The following PCID2 variants were observed in gnomAD, a reference collection of about 807,000 sequenced individuals.
PCID2 encodes PCI domain containing 2.
In PCID2, 41 loss-of-function variants were observed where a neutral mutation model predicts 61.3. The ratio of observed to expected loss-of-function variants is 0.67; its 90% CI spans 0.52 to 0.87. The LOEUF is 0.87. Ranked by LOEUF, PCID2 falls within the 40% of genes least tolerant of loss-of-function variation. PCID2 has a pLI of 0.00. For missense variants in PCID2, 392 were observed against 493.4 expected (o/e 0.79, Z 1.95); for synonymous variants, 187 against 177.8 (o/e 1.05, Z -0.41).
chr13:113,175,604 G>A (rs556283646), downstream of PCID2, among the ~76,000 whole-genome samples: 5 of 152,264 alleles, frequency 3.3e-5, no homozygotes, highest in East Asian at 7.7e-4. Flanking sequence ...CAAAGCCTCC[G>A]CCGGCATGAG....
chr13:113,177,262 T>C (rs567635723), downstream of PCID2, among the ~76,000 whole-genome samples: 5 of 152,298 alleles, frequency 3.3e-5, no homozygotes, highest in African/African-American at 9.6e-5. Context: ...CTCAGCCTCC[T>C]GAGTAGCTGG....
At chr13:113,177,230 C>A (rs1013234998), downstream of PCID2, among the ~76,000 whole-genome samples, 5 of 152,266 alleles carry the variant, frequency 3.3e-5, no homozygotes, top group East Asian at 9.6e-4. Flanking sequence ...CTTTGCCTCC[C>A]GGGTTCAAGC....
chr13:113,167,859 C>G, the PCID2 span, among the ~76,000 whole-genome samples: 1 of 152,108 alleles, frequency 6.6e-6, no homozygotes, highest in African/African-American at 2.4e-5. Flanking sequence ...TTCTTTTCCC[C>G]TTTTTCTGCC....
the PCID2 span, among the ~76,000 whole-genome samples, chr13:113,167,790 A>G: frequency 2.6e-5 from 4 of 151,468 alleles, no homozygotes; most frequent in Non-Finnish European, 5.9e-5. Context: ...ATTTATTGTA[A>G]TTGTCGATAT....
chr13:113,171,948 T>C, the PCID2 span: 4 of 1,613,604 alleles, frequency 2.5e-6, no homozygotes, highest in East Asian at 4.5e-5. This position sits in a 1 kb window ranked among gnomAD's most constrained non-coding sequence, Gnocchi z 5.1. Context: ...GTGGCGGCCA[T>C]GCACTGGATG....
chr13:113,171,647 G>C, the PCID2 span: 14 of 1,614,148 alleles, frequency 8.7e-6, no homozygotes, highest in Middle Eastern at 1.6e-4. This position sits in a 1 kb window ranked among gnomAD's most constrained non-coding sequence, Gnocchi z 5.1. Flanking sequence ...GCACGTCCAT[G>C]TGCACATGCG....
intron 7 of PCID2, among the ~76,000 whole-genome samples, chr13:113,190,386 T>A (rs2038511970): frequency 6.6e-6 from 1 of 152,072 alleles, no homozygotes. Context: ...GGAATGACAT[T>A]TTTAAAGTGC....
chr13:113,207,181 G>C (rs1452155497), intron 1 of PCID2, among the ~76,000 whole-genome samples: 1 of 152,128 alleles, frequency 6.6e-6, no homozygotes, highest in East Asian at 1.9e-4. Flanking sequence ...AGATGTGTTT[G>C]TTCTCAAATC....
At chr13:113,176,450 A>G (rs7323619), downstream of PCID2, among the ~76,000 whole-genome samples, 22,273 of 33,138 alleles carry the variant, frequency 0.67, 9,714 homozygotes, top group East Asian at 0.91. Flanking sequence ...GTCCTAACCC[A>G]ACAGAACTGT....
downstream of PCID2, among the ~76,000 whole-genome samples, chr13:113,175,576 A>G (rs1468338058): frequency 6.6e-6 from 1 of 152,232 alleles, no homozygotes; most frequent in Non-Finnish European, 1.5e-5. Context: ...ATGGGTAGCT[A>G]GAAAACAGAT....
downstream of PCID2, among the ~76,000 whole-genome samples, chr13:113,177,316 T>C (rs1047773016): frequency 2.6e-5 from 4 of 151,674 alleles, no homozygotes; most frequent in Admixed American, 1.3e-4. Flanking sequence ...TTTGTATTTT[T>C]AGTAGAGACG....
chr13:113,190,450 A>C (rs61073001), intron 7 of PCID2, among the ~76,000 whole-genome samples: 2,599 of 152,308 alleles, frequency 0.017, 70 homozygotes, highest in African/African-American at 0.058. Flanking sequence ...TGGAGCCTTA[A>C]AAATGAAGGT....
At chr13:113,202,601 T>G (rs936838751) in intron 1 of PCID2, among the ~76,000 whole-genome samples, 1 of 152,152 alleles carries the variant, frequency 6.6e-6, no homozygotes, top group African/African-American at 2.4e-5. Context: ...AAGATACAGT[T>G]AAGTGAAAAA....
At chr13:113,197,407 A>G (rs2138876334) in intron 3 of PCID2, among the ~76,000 whole-genome samples, 164 bp from the exon 4 acceptor site, 1 of 152,364 alleles carries the variant, frequency 6.6e-6, no homozygotes, top group East Asian at 1.9e-4. Flanking sequence ...GATAAGAGGA[A>G]GTCCCACAGT....
intron 7 of PCID2, chr13:113,187,873 T>C (rs767757479): frequency 6.6e-6 from 1 of 152,228 alleles, no homozygotes; most frequent in Non-Finnish European, 1.5e-5. Context: ...TGGTTGCTTA[T>C]GCTTTTGTTG....
chr13:113,204,204 G>A (rs1414424763), intron 1 of PCID2, among the ~76,000 whole-genome samples: 1 of 152,252 alleles, frequency 6.6e-6, no homozygotes, highest in Non-Finnish European at 1.5e-5. Context: ...AGCCTGAGAA[G>A]AGGAGTGTTC....
At chr13:113,170,236 C>T in the PCID2 span, among the ~76,000 whole-genome samples, 1 of 136,288 alleles carries the variant, frequency 7.3e-6, no homozygotes, top group African/African-American at 2.8e-5. Context: ...GTCAACAATT[C>T]GTTAACAATC....
intron 1 of PCID2, among the ~76,000 whole-genome samples, chr13:113,202,017 A>G (rs2039471870): frequency 6.6e-6 from 1 of 152,190 alleles, no homozygotes; most frequent in Non-Finnish European, 1.5e-5. Context: ...CACACCCACA[A>G]GAGTACTTAC....
chr13:113,176,531 G>GC (rs1475528753), downstream of PCID2, among the ~76,000 whole-genome samples: 3 of 152,284 alleles, frequency 2.0e-5, no homozygotes, highest in African/African-American at 7.2e-5. Flanking sequence ...GGAGGCCGAG[G>GC]TGGGGGAATT....
Sources: gnomAD v4.1 joint callset for allele counts (sites outside exome capture counted in the v4.1 genomes callset) on GRCh38, gnomAD v4.1.1 for gene constraint, Gnocchi (gnomAD v3.1) non-coding constraint, MANE v1.5 for transcripts, NCBI Gene and HGNC (gene_info 2026-07-23, HGNC 2026-07-21) for gene names.